PTPN13: variants seen among roughly 807,000 people sequenced by gnomAD.
PTPN13 encodes the protein tyrosine-protein phosphatase non-receptor type 13.
Under a neutral mutation model 284.0 loss-of-function variants are expected in PTPN13, and 191 were observed. That is an observed-to-expected ratio of 0.67 (90% confidence interval 0.60 to 0.76). The LOEUF (loss-of-function observed/expected upper bound fraction) is 0.76, where lower values mean the gene tolerates loss of function less well. PTPN13 is among the 30% of genes least tolerant of loss of function. PTPN13 has a pLI of 0.00. For missense variants in PTPN13, 2,797 were observed against 2,939.9 expected, an observed-to-expected ratio of 0.95 and a Z score of 1.12; for synonymous variants, 986 against 1,022.3, an observed-to-expected ratio of 0.96 and a Z score of 0.68.
In PTPN13 at chr4:86,784,520, A is replaced by C; in HGVS notation, c.6080A>C (p.Tyr2027Ser). The change falls in exon 38 of 48, where the codon TAT becomes TCT. Residue 2027 changes from tyrosine to serine, a missense_variant. By Grantham distance (144) the Tyr-to-Ser change is moderately radical. Coordinates refer to ENST00000411767, the MANE Select transcript of PTPN13 (RefSeq NM_080683.3). ...ISYPKGKCST[Y>S]QIKGSPNLTL... ...TACCCCAAAGGAAAATGTTCTACTT[A>C]TCAGATAAAGGGATCACCAAACTTG... 2 of 1,609,536 alleles carry C rather than the reference A, an allele frequency of 1.2e-6. No homozygotes were observed. Among genetic ancestry groups the C allele is most frequent in the Non-Finnish European group, 1.7e-6 (2 of 1,178,354 alleles).
chr4:86,636,695 T>C (rs1326002737), intron 2 of PTPN13, among the ~76,000 whole-genome samples: 2 of 151,980 alleles, frequency 1.3e-5, no homozygotes, highest in African/African-American at 2.4e-5. Context: ...GAGGGAAATT[T>C]ATAGCACTAA....
chr4:86,807,518 G>A, intron 44 of PTPN13, 42 bp from the exon 45 acceptor site: 2 of 1,437,922 alleles, frequency 1.4e-6, no homozygotes, highest in Non-Finnish European at 1.9e-6. Flanking sequence ...TGTTTAAAAT[G>A]CATGATATGG....
At chr4:86,813,417 A>C (rs892833435) in intron 47 of PTPN13, among the ~76,000 whole-genome samples, 2 of 152,168 alleles carry the variant, frequency 1.3e-5, no homozygotes, top group African/African-American at 4.8e-5. Flanking sequence ...TTTTGTTCCA[A>C]AATATTTAAA....
At chr4:86,723,637 A>C (rs1733916637) in intron 10 of PTPN13, among the ~76,000 whole-genome samples, 1 of 152,132 alleles carries the variant, frequency 6.6e-6, no homozygotes, top group Admixed American at 6.6e-5. Context: ...TTTGATACGT[A>C]TTGTCAAATT....
At chr4:86,602,558 G>A (rs1276048813) in intron 1 of PTPN13, among the ~76,000 whole-genome samples, 1 of 152,026 alleles carries the variant, frequency 6.6e-6, no homozygotes, top group Non-Finnish European at 1.5e-5. Context: ...GGCCTACTTT[G>A]TTCCTTGGGC....
intron 1 of PTPN13, among the ~76,000 whole-genome samples, chr4:86,595,178 A>T (rs1763522521): frequency 6.6e-6 from 1 of 151,660 alleles, no homozygotes; most frequent in Non-Finnish European, 1.5e-5. Context: ...GGGCTCCCGG[A>T]GTCTGTTTCT....
chr4:86,706,671 A>G (rs1731801343), intron 7 of PTPN13, among the ~76,000 whole-genome samples: 2 of 152,214 alleles, frequency 1.3e-5, no homozygotes, highest in African/African-American at 4.8e-5. Flanking sequence ...ACAAAATGAG[A>G]TAGGAACAAA....
intron 1 of PTPN13, chr4:86,595,643 A>G (rs1763618148): frequency 2.0e-6 from 1 of 511,856 alleles, no homozygotes; most frequent in African/African-American, 2.1e-5. Context: ...ATTTAATTGC[A>G]TCTTTGAAAC....
At chr4:86,808,468 C>G (rs1475669853) in intron 45 of PTPN13, among the ~76,000 whole-genome samples, 2 of 152,208 alleles carry the variant, frequency 1.3e-5, no homozygotes, top group African/African-American at 4.8e-5. Flanking sequence ...CACCTTACTA[C>G]ACGCCTGTGC....
intron 3 of PTPN13, among the ~76,000 whole-genome samples, chr4:86,674,293 C>T (rs901544557): frequency 6.6e-6 from 1 of 152,052 alleles, no homozygotes; most frequent in Non-Finnish European, 1.5e-5. Flanking sequence ...ACATTCTTTC[C>T]CATATGTCAT....
At chr4:86,606,375 T>C (rs1764741956) in intron 1 of PTPN13, among the ~76,000 whole-genome samples, 1 of 151,842 alleles carries the variant, frequency 6.6e-6, no homozygotes, top group Non-Finnish European at 1.5e-5. Flanking sequence ...TAGTAGTTGG[T>C]TTTATATTTG....
At chr4:86,789,154 A>G (rs778040545) in intron 40 of PTPN13, among the ~76,000 whole-genome samples, 4 of 152,248 alleles carry the variant, frequency 2.6e-5, no homozygotes, top group Non-Finnish European at 4.4e-5. Context: ...TAGGCAAGGT[A>G]TTAGTTCATG....
In PTPN13 at chr4:86,807,752, A is replaced by G. The variant is rs1209200050; in HGVS notation, c.6938A>G (p.Glu2313Gly). Reference protein sequence around the residue: ...TVIAMMTQEVEGEKIKCQRYW... With the variant: ...TVIAMMTQEVGGEKIKCQRYW... ...ATAGCCATGATGACTCAAGAAGTAG[A>G]AGGAGAAAAAATCAAATGCCAGCGC... is the stretch of plus-strand genomic sequence containing the variant. Residue 2313 changes from glutamate to glycine, a missense_variant, in exon 45 of 48, where the codon GAA becomes GGA. Transcript: ENST00000411767. 2.5e-6 allele frequency: 4 copies of G among 1,613,934 alleles called. No homozygotes were observed. Among genetic ancestry groups the G allele is most frequent in the Non-Finnish European group, 3.4e-6 (4 of 1,179,912 alleles).
At chr4:86,667,656 A>G (rs1280216178) in intron 2 of PTPN13, among the ~76,000 whole-genome samples, 3 of 152,324 alleles carry the variant, frequency 2.0e-5, no homozygotes, top group Non-Finnish European at 4.4e-5. Context: ...AGGGAATTCC[A>G]TATTATAGAG....
At chr4:86,597,490 T>C (rs1763919325) in intron 1 of PTPN13, among the ~76,000 whole-genome samples, 1 of 152,222 alleles carries the variant, frequency 6.6e-6, no homozygotes, top group South Asian at 2.1e-4. Context: ...AGTACATTAA[T>C]GTAGGACTTT....
At position 86,728,643 on chromosome 4, in the gene PTPN13, CTTTTTTTTTTTTTTTTTTTT is replaced by C. The variant is rs57773658; in HGVS notation, c.1609-3742_1609-3723del. Reference sequence around the variant, plus strand: ...CAGAGACTAGGATTGCAACCCCTGCCTTTTTTTTTTTTTTTTTTTTTTTTTTTTTTTTTTGCTTTCCATTT... The same window carrying C: ...CAGAGACTAGGATTGCAACCCCTGCCTTTTTTTTTTTTTTGCTTTCCATTT... On this transcript the variant is annotated intron_variant, in intron 10 of 47. Transcript: ENST00000411767. Among the ~76,000 whole-genome samples, 32 of 24,504 alleles carry C rather than the reference CTTTTTTTTTTTTTTTTTTTT, an allele frequency of 1.3e-3. 1 individual carries two copies. The highest frequency in any genetic ancestry group is 3.7e-3 in the African/African-American group (25 of 6,668). The allele number at this position is 24,504 out of a possible 152,430, so 16.1% of individuals were successfully genotyped here.
At position 86,769,841 on chromosome 4, in the gene PTPN13, T is replaced by C. The variant is rs1739775886; in HGVS notation, c.4562T>C (p.Leu1521Pro). Residue 1521 changes from leucine (L) to proline (P), a missense_variant, in exon 29 of 48, where the codon CTT becomes CCT. Transcript: ENST00000411767. The part of the protein sequence containing the change: ...LGFSFSREDN[L>P]IPEQINASIV... Reference sequence around the variant, plus strand: ...TTCAGTTTTTCTCGAGAAGATAATCTTATACCGGAGCAAATTAATGCCAGC... The same window carrying C: ...TTCAGTTTTTCTCGAGAAGATAATCCTATACCGGAGCAAATTAATGCCAGC... 1.2e-6 allele frequency: 2 copies of C among 1,613,680 alleles called. No homozygotes were observed. The highest frequency in any genetic ancestry group is 1.7e-5 in the Admixed American group (1 of 59,996).
In PTPN13 at chr4:86,735,665, C is replaced by T; in HGVS notation, c.2223C>T (p.Ser741=). The T allele has an allele frequency of 1.2e-6, 2 of 1,613,306 alleles. No individual in the cohort carries two copies. The highest frequency in any genetic ancestry group is 2.2e-5 in the South Asian group (2 of 91,038). ...PARVMEKLDL[S]YIKEELPKLH... ...GAGTGATGGAGAAACTTGATTTATC[C>T]TATATCAAAGAAGAGTTACCCAAAT... Residue 741 remains serine, a synonymous_variant, in exon 15 of 48, where the codon TCC becomes TCT. Transcript: ENST00000411767.
At chr4:86,749,492 A>G (rs1437122074) in intron 17 of PTPN13, among the ~76,000 whole-genome samples, 1 of 152,216 alleles carries the variant, frequency 6.6e-6, no homozygotes, top group East Asian at 1.9e-4. Context: ...GATGTGGGTC[A>G]CTAACTGCAT....
Sources: gnomAD v4.1 joint callset for allele counts (sites outside exome capture counted in the v4.1 genomes callset) on GRCh38, gnomAD v4.1.1 for gene constraint, MANE v1.5 for transcripts, NCBI Gene and HGNC (gene_info 2026-07-23, HGNC 2026-07-21) for gene names.